The following MAPT variants were observed in gnomAD, a reference collection of about 807,000 sequenced individuals.
MAPT encodes the protein microtubule associated protein tau.
MAPT carries 34 observed loss-of-function variants against 67.9 expected under a neutral mutation model. The ratio of observed to expected loss-of-function variants is 0.50; its 90% CI spans 0.38 to 0.67. The LOEUF (loss-of-function observed/expected upper bound fraction) is 0.67. Ranked by LOEUF, MAPT falls within the 30% of genes least tolerant of loss-of-function variation. MAPT has a pLI of 0.00. For synonymous variants in MAPT, 456 were observed against 464.5 expected (o/e 0.98, Z 0.23); for missense variants, 881 against 1,115.2 (o/e 0.79, Z 2.99).
intron 9 of MAPT, among the ~76,000 whole-genome samples, chr17:45,997,525 T>G (rs1314781944): frequency 2.6e-5 from 4 of 152,174 alleles, no homozygotes; most frequent in Non-Finnish European, 4.4e-5. Flanking sequence ...TTTGGGAGGC[T>G]GAGGCAGGCA....
intron 1 of MAPT, among the ~76,000 whole-genome samples, chr17:45,951,106 C>G (rs78952551): frequency 6.6e-6 from 1 of 152,116 alleles, no homozygotes; most frequent in Non-Finnish European, 1.5e-5. Flanking sequence ...AGCCAGTCAC[C>G]AAAAGCCACG....
Position 45,906,208 on chromosome 17 carries a change from G to A in MAPT, c.-18+11522G>A, listed in dbSNP as rs955446358. Among the ~76,000 whole-genome samples the A allele has an allele frequency of 2.6e-5, 4 of 152,194 alleles. No individual in the cohort carries two copies. Among genetic ancestry groups the A allele is most frequent in the African/African-American group, 9.7e-5 (4 of 41,440 alleles). ...CCCCTGCCAGTGCTGACTTCTCTGG[G>A]GAAGGGCTGGGACTTCCTTCTGGGC... is the stretch of plus-strand genomic sequence containing the variant. On this transcript the variant is annotated intron_variant, in intron 1 of 12. Coordinates refer to ENST00000262410, the MANE Select transcript of MAPT (RefSeq NM_001377265.1). The surrounding 1 kb of genome is among the most constrained non-coding windows in gnomAD (Gnocchi z 4.3).
intron 1 of MAPT, among the ~76,000 whole-genome samples, chr17:45,928,250 C>T (rs779071579): frequency 4.0e-4 from 61 of 152,170 alleles, no homozygotes; most frequent in Non-Finnish European, 4.9e-4. Context: ...TCCTTGAAAA[C>T]TCTTTACAGT....
chr17:45,995,606 A>C lies in MAPT; in HGVS notation c.1733-793A>C, dbSNP rs2074406798. Among the ~76,000 whole-genome samples, 2 of 152,170 alleles carry C rather than the reference A, an allele frequency of 1.3e-5. No individual in the cohort carries two copies. Among genetic ancestry groups the C allele is most frequent in the Non-Finnish European group, 1.5e-5 (1 of 68,022 alleles). The stretch of plus-strand genomic sequence containing the variant: ...CAGAGGAGGGAGGGACAGCATCTGC[A>C]TGGAGAGGAGAAGAGACCCCCCAGC... On this transcript the variant is annotated intron_variant, in intron 8 of 12. Transcript: ENST00000262410. The surrounding 1 kb of genome is among the most constrained non-coding windows in gnomAD (Gnocchi z 4.3).
At chr17:45,919,704 C>T (rs186813714) in intron 1 of MAPT, among the ~76,000 whole-genome samples, 4 of 152,268 alleles carry the variant, frequency 2.6e-5, no homozygotes, top group African/African-American at 9.6e-5. Context: ...CCCAGGAGTT[C>T]GAGACCAACC....
intron 1 of MAPT, among the ~76,000 whole-genome samples, chr17:45,900,016 C>A (rs970531627): frequency 3.9e-5 from 6 of 152,052 alleles, no homozygotes; most frequent in African/African-American, 1.2e-4. Flanking sequence ...ACATCAGATC[C>A]CCAGCTTAGG....
intron 1 of MAPT, among the ~76,000 whole-genome samples, chr17:45,945,377 A>T (rs1206079706): frequency 6.6e-6 from 1 of 152,220 alleles, no homozygotes; most frequent in African/African-American, 2.4e-5. Flanking sequence ...AAGATGTAAA[A>T]GCCAATCCCT....
In MAPT at chr17:45,996,584, G is replaced by A. The variant is rs369217369; in HGVS notation, c.1918G>A (p.Val640Met). 2.7e-5 allele frequency: 43 copies of A among 1,610,812 alleles called. No homozygotes were observed. Among genetic ancestry groups the A allele is most frequent in the East Asian group, 4.5e-5 (2 of 44,596 alleles). Residue 640 changes from valine to methionine, a missense_variant, in exon 9 of 13, where the codon GTG becomes ATG. By Grantham distance (21) the Val-to-Met change is conservative (BLOSUM62 1). Around this residue, in one of 6 missense-constraint regions of MAPT, gnomAD observed 45 missense variants for 43.2 expected, o/e 1.04. Transcript: ENST00000262410. This position sits in a 1 kb window ranked among gnomAD's most constrained non-coding sequence, Gnocchi z 4.5. ...CAAGAGCCGCCTGCAGACAGCCCCCGTGCCCATGCCAGACCTGAAGAATGT... is the reference window on the plus strand; with the variant it reads ...CAAGAGCCGCCTGCAGACAGCCCCCATGCCCATGCCAGACCTGAAGAATGT... Reference protein sequence around the residue: ...SAKSRLQTAPVPMPDLKNVKS... With the variant: ...SAKSRLQTAPMPMPDLKNVKS...
intron 1 of MAPT, among the ~76,000 whole-genome samples, chr17:45,927,770 G>A (rs1219421189): frequency 6.6e-6 from 1 of 152,020 alleles, no homozygotes; most frequent in East Asian, 1.9e-4. Context: ...GGAGGCCAAG[G>A]TGGGTGGATC....
At chr17:45,954,019 C>T (rs878917) in intron 1 of MAPT, among the ~76,000 whole-genome samples, 6,566 of 151,822 alleles carry the variant, frequency 0.043, 302 homozygotes, top group East Asian at 0.19. Context: ...TCTTTTTTTT[C>T]GATCGAAGAA....
chr17:45,929,067 C>T (rs987425404), intron 1 of MAPT, among the ~76,000 whole-genome samples: 1 of 151,724 alleles, frequency 6.6e-6, no homozygotes, highest in Non-Finnish European at 1.5e-5. Context: ...ACTGATCTGC[C>T]TTGTGCTTCA....
intron 1 of MAPT, among the ~76,000 whole-genome samples, chr17:45,923,371 A>C (rs1288774178): frequency 2.0e-5 from 3 of 152,162 alleles, no homozygotes; most frequent in Non-Finnish European, 4.4e-5. Flanking sequence ...GAGGGCTCCC[A>C]GAGGATCCCA....
At chr17:45,909,411 C>T (rs1230930800) in intron 1 of MAPT, among the ~76,000 whole-genome samples, 1 of 152,188 alleles carries the variant, frequency 6.6e-6, no homozygotes, top group Admixed American at 6.5e-5. Flanking sequence ...TTGATCCAAT[C>T]TGGACTAATT....
At chr17:45,958,400 C>T (rs1467209592) in intron 1 of MAPT, among the ~76,000 whole-genome samples, 2 of 152,176 alleles carry the variant, frequency 1.3e-5, no homozygotes, top group Non-Finnish European at 2.9e-5. Flanking sequence ...TTAGAATAAG[C>T]ACTGAGACCT....
rs1486100330 is a variant in MAPT, at chr17:45,983,508, C to G, written c.929C>G (p.Ser310Cys). 6.2e-7 allele frequency: 1 copy of G among 1,612,728 alleles called. No homozygotes were observed. The highest frequency in any genetic ancestry group is 1.3e-5 in the African/African-American group (1 of 74,936). ...TCCTCCCCCCAAGACTCCCCTCCCTCCAAGGCCTCCCCAGCCCAAGATGGG... is the reference window on the plus strand; with the variant it reads ...TCCTCCCCCCAAGACTCCCCTCCCTGCAAGGCCTCCCCAGCCCAAGATGGG... ...DESSPQDSPP[S>C]KASPAQDGRP... The change falls in exon 5 of 13, where the codon TCC becomes TGC. Residue 310 changes from serine (S) to cysteine (C), a missense_variant. Physicochemically the swap from Ser to Cys is moderately radical, Grantham distance 112. Coordinates refer to ENST00000262410, the MANE Select transcript of MAPT (RefSeq NM_001377265.1).
In MAPT at chr17:45,983,080, TC is replaced by T; in HGVS notation, c.502del (p.Gln168ArgfsTer53). 1.3e-6 allele frequency: 2 copies of T among 1,541,346 alleles called. No homozygotes were observed. The stretch of plus-strand genomic sequence containing the variant: ...CAGCGCCTCCTCCAACAGGAGGCCC[TC>T]AGGAGCCCTCCCTGGAGTGGGGACA... ...CPAPPPTGGP[Q>X]EPSLEWGQKG... On this transcript the variant is annotated frameshift_variant, in exon 5 of 13. Transcript: ENST00000262410. LOFTEE classifies it high-confidence loss of function.
chr17:45,907,453 C>T (rs1180079348), intron 1 of MAPT, among the ~76,000 whole-genome samples: 3 of 152,152 alleles, frequency 2.0e-5, no homozygotes, highest in Admixed American at 6.5e-5. Flanking sequence ...ACAGGTTGCA[C>T]GTCCTGTGAG....
intron 1 of MAPT, among the ~76,000 whole-genome samples, chr17:45,923,413 C>A (rs751500700): frequency 6.6e-6 from 1 of 152,190 alleles, no homozygotes; most frequent in Non-Finnish European, 1.5e-5. Context: ...GGGCATGAGA[C>A]AACCCCCAGG....
intron 1 of MAPT, among the ~76,000 whole-genome samples, chr17:45,959,605 A>C (rs188822829): frequency 1.6e-4 from 24 of 152,108 alleles, no homozygotes; most frequent in African/African-American, 4.6e-4. Flanking sequence ...GTCTGGTGAA[A>C]CCCTGTCTCT....
Sources: gnomAD v4.1 joint callset for allele counts (sites outside exome capture counted in the v4.1 genomes callset) on GRCh38, gnomAD v4.1.1 for gene constraint, gnomAD v4.1.1 regional missense constraint, Gnocchi (gnomAD v3.1) non-coding constraint, MANE v1.5 for transcripts, NCBI Gene and HGNC (gene_info 2026-07-23, HGNC 2026-07-21) for gene names.